Variants in ARPP21 observed in about 807,000 individuals in gnomAD.
ARPP21 encodes the protein cAMP-regulated phosphoprotein 21.
A neutral mutation model predicts 113.2 loss-of-function variants in ARPP21; 69 were observed. That is an observed-to-expected ratio of 0.61 (90% CI 0.50 to 0.74). ARPP21 has a LOEUF of 0.74. ARPP21 is among the 30% of genes least tolerant of loss of function. The pLI is 0.00. For synonymous variants in ARPP21, 368 were observed against 375.5 expected, an observed-to-expected ratio of 0.98 and a Z score of 0.23; for missense variants, 1,070 against 1,037.4, an observed-to-expected ratio of 1.03 and a Z score of -0.43.
chr3:35,785,897 C>T (rs2096622484), intron 19 of ARPP21, among the ~76,000 whole-genome samples: 1 of 151,908 alleles, frequency 6.6e-6, no homozygotes, highest in South Asian at 2.1e-4. Flanking sequence ...TCATCCTGTA[C>T]CAAGTTCCTA....
intron 11 of ARPP21, among the ~76,000 whole-genome samples, chr3:35,710,656 A>C (rs2090843002): frequency 6.6e-6 from 1 of 152,152 alleles, no homozygotes; most frequent in Non-Finnish European, 1.5e-5. Context: ...AAGAAAATAC[A>C]AATCACACAT....
At chr3:35,768,366 C>T (rs2096066153) in intron 19 of ARPP21, among the ~76,000 whole-genome samples, 3 of 151,972 alleles carry the variant, frequency 2.0e-5, no homozygotes, top group Admixed American at 2.0e-4. Flanking sequence ...GGAAGGAGGC[C>T]TATCATTTGG....
chr3:35,728,620 T>C (rs2093720940), intron 14 of ARPP21, among the ~76,000 whole-genome samples: 1 of 152,008 alleles, frequency 6.6e-6, no homozygotes, highest in Non-Finnish European at 1.5e-5. Flanking sequence ...GGTCAGATGG[T>C]TAGAAAAAGT....
chr3:35,729,385 A>C lies in ARPP21; in HGVS notation c.1308A>C (p.Ser436=). The change falls in exon 15 of 21, where the codon TCA becomes TCC. Residue 436 remains serine (S), a synonymous_variant. Transcript: ENST00000684406. ...CTCTCCAGAGCACACCCCTAGTCTC[A>C]GGTGTGGCAGCTGGCTCTCCAGGCT... The part of the protein sequence containing the change: ...HPPLQSTPLV[S]GVAAGSPGCV... 6.2e-7 allele frequency: 1 copy of C among 1,614,126 alleles called. No individual in the cohort carries two copies. Among genetic ancestry groups the C allele is most frequent in the Non-Finnish European group, 8.5e-7 (1 of 1,180,008 alleles).
rs369106158 is a variant in ARPP21 at position 35,792,458 on chromosome 3, C to A, written c.2214C>A (p.Asn738Lys). The A allele has an allele frequency of 8.7e-6, 14 of 1,613,652 alleles. No individual in the cohort carries two copies. Among genetic ancestry groups the A allele is most frequent in the Non-Finnish European group, 1.2e-5 (14 of 1,179,718 alleles). Reference sequence around the variant, plus strand: ...TGCAGCAGCCACCTCAGAGTCAGAACGTGATAAATAACCAACAAGGAACTC... The same window carrying A: ...TGCAGCAGCCACCTCAGAGTCAGAAAGTGATAAATAACCAACAAGGAACTC... ...IGVQQPPQSQNVINNQQGTPV... is the reference protein window; with the variant it reads ...IGVQQPPQSQKVINNQQGTPV... The change falls in exon 20 of 21, where the codon AAC becomes AAA. Residue 738 changes from asparagine (N) to lysine (K), a missense_variant. By Grantham distance (94) the Asn-to-Lys change is moderately conservative (BLOSUM62 0). Coordinates refer to ENST00000684406, the MANE Select transcript of ARPP21 (RefSeq NM_001385562.1).
chr3:35,788,755 C>A (rs2096683051), intron 19 of ARPP21, among the ~76,000 whole-genome samples: 2 of 152,194 alleles, frequency 1.3e-5, no homozygotes, highest in Admixed American at 1.3e-4. Context: ...CATAATTGTG[C>A]TACATGAAGA....
chr3:35,778,726 T>C (rs1313986500), intron 19 of ARPP21, among the ~76,000 whole-genome samples: 3 of 147,300 alleles, frequency 2.0e-5, no homozygotes, highest in East Asian at 4.0e-4. Context: ...ATTCTGGCAC[T>C]ACTAAACTGT....
intron 19 of ARPP21, among the ~76,000 whole-genome samples, chr3:35,766,159 A>G (rs2095967887): frequency 6.6e-6 from 1 of 152,198 alleles, no homozygotes; most frequent in Admixed American, 6.6e-5. Context: ...TGCTACTCAC[A>G]TGCAACTAGA....
chr3:35,654,569 C>T (rs1703937641), intron 1 of ARPP21, among the ~76,000 whole-genome samples: 2 of 152,082 alleles, frequency 1.3e-5, no homozygotes, highest in Non-Finnish European at 2.9e-5. Context: ...GCTTTCTTCG[C>T]AGATTGTTTG....
chr3:35,647,626 T>A (rs1372640812), intron 1 of ARPP21, among the ~76,000 whole-genome samples: 2 of 152,188 alleles, frequency 1.3e-5, no homozygotes, highest in African/African-American at 4.8e-5. Context: ...CTGAATCGCA[T>A]TTTCTGTGAC....
intron 9 of ARPP21, among the ~76,000 whole-genome samples, chr3:35,703,384 A>G (rs967811966): frequency 6.6e-6 from 1 of 151,906 alleles, no homozygotes; most frequent in Non-Finnish European, 1.5e-5. Context: ...GTGAAGGAAC[A>G]ATGAAGAATT....
intron 1 of ARPP21, among the ~76,000 whole-genome samples, chr3:35,655,801 C>A (rs2149061225): frequency 6.6e-6 from 1 of 152,126 alleles, no homozygotes; most frequent in African/African-American, 2.4e-5. Flanking sequence ...AGCAGTAGTT[C>A]TCAAAACATC....
Position 35,669,763 on chromosome 3 carries a change from A to C in ARPP21, c.-212-10024A>C, listed in dbSNP as rs185766539. Among the ~76,000 whole-genome samples, 21 of 152,314 alleles carry C rather than the reference A, an allele frequency of 1.4e-4. No homozygotes were observed. In the East Asian group the frequency reaches 3.5e-3, roughly 25 times the overall value. Reference sequence around the variant, plus strand: ...TTCTATTGAAGTGTCTGTAAAGTACACTTTAAGACTATTTTGTGTGCCCAT... The same window carrying C: ...TTCTATTGAAGTGTCTGTAAAGTACCCTTTAAGACTATTTTGTGTGCCCAT... On this transcript the variant is annotated intron_variant, in intron 1 of 20. Coordinates refer to ENST00000684406, the MANE Select transcript of ARPP21 (RefSeq NM_001385562.1).
In ARPP21 at chr3:35,695,504, ATGTAGTGCAACTCTT is replaced by A. The variant is rs1207080121; in HGVS notation, c.686+4505_686+4519del. Among the ~76,000 whole-genome samples, 13 of 151,672 alleles carry A rather than the reference ATGTAGTGCAACTCTT, an allele frequency of 8.6e-5. No homozygotes were observed. The East Asian group carries it at 2.5e-3, about 30-fold the overall frequency. The stretch of plus-strand genomic sequence containing the variant: ...TCTCAGTCCTCTTAAAACTTGAAAA[ATGTAGTGCAACTCTT>A]TGTAGATCCAAAGTAGACACGTAAC... On this transcript the variant is annotated intron_variant, in intron 9 of 20. Coordinates refer to ENST00000684406, the MANE Select transcript of ARPP21 (RefSeq NM_001385562.1).
intron 4 of ARPP21, among the ~76,000 whole-genome samples, chr3:35,683,361 TC>T (rs1347080200): frequency 6.6e-6 from 1 of 151,796 alleles, no homozygotes; most frequent in African/African-American, 2.4e-5. Context: ...TTAACCATCT[TC>T]TCAGTCAAAT....
chr3:35,692,560 A>G (rs1004390536), intron 9 of ARPP21, among the ~76,000 whole-genome samples: 5 of 151,696 alleles, frequency 3.3e-5, no homozygotes, highest in Non-Finnish European at 7.4e-5. Flanking sequence ...TAAATGTGAT[A>G]CAGTTTCAAC....
At chr3:35,689,698 T>A (rs1241038245) in intron 7 of ARPP21, among the ~76,000 whole-genome samples, 1 of 151,620 alleles carries the variant, frequency 6.6e-6, no homozygotes, top group Non-Finnish European at 1.5e-5. Flanking sequence ...GCCAATTATG[T>A]TTTAATGCAG....
chr3:35,727,059 C>A (rs996885080), intron 14 of ARPP21, among the ~76,000 whole-genome samples: 3 of 152,208 alleles, frequency 2.0e-5, no homozygotes, highest in African/African-American at 7.2e-5. Context: ...ATTCTTTTTA[C>A]ATTTTTTATT....
intron 18 of ARPP21, among the ~76,000 whole-genome samples, chr3:35,743,088 A>G (rs1344846503): frequency 6.6e-6 from 1 of 152,184 alleles, no homozygotes; most frequent in African/African-American, 2.4e-5. Flanking sequence ...TACTTTTTTG[A>G]ATAGTGGTGT....
Sources: gnomAD v4.1 joint callset for allele counts (sites outside exome capture counted in the v4.1 genomes callset) on GRCh38, gnomAD v4.1.1 for gene constraint, MANE v1.5 for transcripts, NCBI Gene and HGNC (gene_info 2026-07-23, HGNC 2026-07-21) for gene names.